Variants in SGCE observed in about 807,000 individuals in gnomAD.
SGCE encodes sarcoglycan epsilon.
A neutral mutation model predicts 57.8 loss-of-function variants in SGCE; 26 were observed. That is an observed-to-expected ratio of 0.45 (90% confidence interval 0.33 to 0.62). SGCE has a LOEUF of 0.62. Among genes scored for constraint, SGCE ranks in the 20% least tolerant of loss-of-function variants. The pLI, the probability that SGCE is intolerant of heterozygous loss-of-function variation, is 0.02. For missense variants in SGCE, 468 were observed against 548.6 expected (o/e 0.85, Z 1.47); for synonymous variants, 183 against 189.5 (o/e 0.97, Z 0.28).
chr7:94,644,660 A>G, intron 1 of SGCE: 1 of 1,285,344 alleles, frequency 7.8e-7, no homozygotes, highest in Non-Finnish European at 1.0e-6. Context: ...TGTCTCTTTC[A>G]TATTCCACTG....
chr7:94,588,183 G>T (rs1300416758), intron 10 of SGCE: 22 of 1,081,694 alleles, frequency 2.0e-5, no homozygotes, highest in Non-Finnish European at 2.4e-5. Flanking sequence ...AATCCAAGGA[G>T]AATTGTCCGC....
intron 1 of SGCE, among the ~76,000 whole-genome samples, chr7:94,639,617 G>A (rs1806092548): frequency 6.6e-6 from 1 of 152,092 alleles, no homozygotes; most frequent in Non-Finnish European, 1.5e-5. Flanking sequence ...AGGAGTATGT[G>A]GGGATACAAG....
At chr7:94,615,266 G>A (rs1801706431) in intron 5 of SGCE, among the ~76,000 whole-genome samples, 1 of 152,110 alleles carries the variant, frequency 6.6e-6, no homozygotes, top group Non-Finnish European at 1.5e-5. Flanking sequence ...GGTTGAGGCA[G>A]GAGAATCGCT....
At chr7:94,649,989 T>C (rs560450323) in intron 1 of SGCE, among the ~76,000 whole-genome samples, 1 of 152,218 alleles carries the variant, frequency 6.6e-6, no homozygotes, top group Non-Finnish European at 1.5e-5. Flanking sequence ...AATCCACAAA[T>C]TCATTTTAAG....
chr7:94,590,944 A>T (rs754827429), intron 9 of SGCE: 2 of 152,142 alleles, frequency 1.3e-5, no homozygotes, highest in Admixed American at 6.6e-5. Flanking sequence ...CACCTTTGAG[A>T]GTTTTTTTTA....
At chr7:94,627,598 G>A (rs1803933327) in intron 3 of SGCE, 1 of 152,512 alleles carries the variant, frequency 6.6e-6, no homozygotes, top group Non-Finnish European at 1.5e-5. Flanking sequence ...TTGATGTGTT[G>A]TTTCCTCCGC....
chr7:94,649,027 A>T (rs1388885020), intron 1 of SGCE, among the ~76,000 whole-genome samples: 2 of 152,220 alleles, frequency 1.3e-5, no homozygotes, highest in Non-Finnish European at 2.9e-5. Flanking sequence ...ACATTTTTTA[A>T]ATGAGCGGCT....
At chr7:94,587,795 T>G in intron 10 of SGCE, 2 of 1,549,174 alleles carry the variant, frequency 1.3e-6, no homozygotes, top group Non-Finnish European at 1.7e-6. Flanking sequence ...CTTTGAAAAG[T>G]TGTCAAACGA....
At chr7:94,646,002 T>C (rs1282068469) in intron 1 of SGCE, among the ~76,000 whole-genome samples, 1 of 152,146 alleles carries the variant, frequency 6.6e-6, no homozygotes, top group Non-Finnish European at 1.5e-5. Context: ...TATAGAAATA[T>C]ATAGTAGAGT....
At chr7:94,618,149 C>T (rs2116875816) in intron 5 of SGCE, 1 of 152,412 alleles carries the variant, frequency 6.6e-6, no homozygotes, top group South Asian at 2.1e-4. Context: ...CTGACAAATA[C>T]CTTTCAAATG....
At chr7:94,621,724 T>C (rs1386789913) in intron 4 of SGCE, 1 of 152,192 alleles carries the variant, frequency 6.6e-6, no homozygotes, top group African/African-American at 2.4e-5. Flanking sequence ...GGAAGGAAAC[T>C]TTTCAATTAT....
chr7:94,630,025 ATGGG>A, intron 1 of SGCE, 184 bp from the exon 2 acceptor site: 1 of 600,656 alleles, frequency 1.7e-6, no homozygotes, highest in Non-Finnish European at 2.8e-6. Flanking sequence ...TCAGGACAAA[ATGGG>A]AAAAAATTCT....
At chr7:94,620,516 A>C (rs1383126066) in intron 4 of SGCE, 1 of 152,204 alleles carries the variant, frequency 6.6e-6, no homozygotes, top group Non-Finnish European at 1.5e-5. Flanking sequence ...ATTTATCTGC[A>C]TACCTAGAAA....
chr7:94,624,094 C>T (rs1299836292), intron 3 of SGCE: 1 of 394,300 alleles, frequency 2.5e-6, no homozygotes, highest in African/African-American at 2.1e-5. Flanking sequence ...CAGGATATGG[C>T]TTCAAAACTT....
intron 1 of SGCE, among the ~76,000 whole-genome samples, chr7:94,651,903 G>A (rs1233077003): frequency 1.3e-5 from 2 of 151,708 alleles, no homozygotes; most frequent in African/African-American, 4.8e-5. Context: ...AAGACTTATT[G>A]ATACCTAGAA....
chr7:94,588,576 G>A (rs1797221438), intron 10 of SGCE, 113 bp downstream of exon 10: 5 of 1,541,602 alleles, frequency 3.2e-6, no homozygotes, highest in Non-Finnish European at 2.6e-6. Context: ...AATGACACAA[G>A]TGTTTTGCCT....
intron 5 of SGCE, among the ~76,000 whole-genome samples, chr7:94,613,861 T>G (rs555747657): frequency 1.2e-3 from 182 of 152,228 alleles, no homozygotes; most frequent in African/African-American, 4.3e-3. Context: ...AGCACAAAAC[T>G]TCCTGCCTTT....
At chr7:94,632,377 A>G (rs1247286571) in intron 1 of SGCE, among the ~76,000 whole-genome samples, 1 of 152,060 alleles carries the variant, frequency 6.6e-6, no homozygotes, top group African/African-American at 2.4e-5. Flanking sequence ...TCTGCGTTCT[A>G]CAGAGCCAAG....
In SGCE at chr7:94,628,264, T is replaced by C. The variant is rs370382282; in HGVS notation, c.328A>G (p.Ser110Gly). 25 of 1,610,346 alleles carry C rather than the reference T, an allele frequency of 1.6e-5. No homozygotes were observed. The African/African-American group carries it at 3.1e-4, about 20-fold the overall frequency. ...GGGGACCCATATAGGACTCCATCAC[T>C]ATATGGTGTCCTTTGGATATATCGA... is the stretch of plus-strand genomic sequence containing the variant. ...WLRYIQRTPY[S>G]DGVLYGSPTA... The change falls in exon 3 of 11, where the codon AGT (serine) becomes GGT (glycine). Residue 110 changes from serine to glycine, a missense_variant. Transcript: ENST00000648936.
Sources: allele counts gnomAD v4.1 joint callset (sites outside exome capture counted in the v4.1 genomes callset), GRCh38; gene constraint gnomAD v4.1.1; transcripts MANE v1.5; gene names NCBI Gene and HGNC (gene_info 2026-07-23, HGNC 2026-07-21).